Variants in DHX30 observed in about 807,000 individuals in gnomAD.
DHX30 encodes the protein DExH-box helicase 30.
In DHX30, 4 loss-of-function variants were observed where a neutral mutation model predicts 116.9. The observed-to-expected ratio is 0.03, with a 90% confidence interval of 0.02 to 0.08. DHX30 has a LOEUF of 0.08. Ranked by LOEUF, DHX30 falls within the 10% of genes least tolerant of loss-of-function variation. The pLI, the probability that DHX30 is intolerant of heterozygous loss-of-function variation, is 1.00. For synonymous variants in DHX30, 697 were observed against 651.7 expected, an observed-to-expected ratio of 1.07 and a Z score of -1.06; for missense variants, 871 against 1,595.1, an observed-to-expected ratio of 0.55 and a Z score of 7.73.
chr3:47,839,306 G>A lies in DHX30; in HGVS notation c.367-1571G>A, dbSNP rs145981689. Among the ~76,000 whole-genome samples the A allele has an allele frequency of 5.7e-3, 731 of 127,782 alleles. 7 individuals are homozygous for A. Among genetic ancestry groups the A allele is most frequent in the African/African-American group, 0.021 (683 of 32,386 alleles). 83.8% of individuals were successfully genotyped at this position (127,782 alleles called of 152,430 possible). ...TTTTTTTTTTTTTTTTTTTTGAGAC[G>A]GAGTTTCGCCGGAGGTTTGCTCTTG... On this transcript the variant is annotated intron_variant, in intron 6 of 21. Transcript: ENST00000445061.
At chr3:47,824,757 C>T (rs2036465289) in intron 4 of DHX30, 1 of 362,836 alleles carries the variant, frequency 2.8e-6, no homozygotes, top group Non-Finnish European at 4.9e-6. Context: ...CATTATTTTC[C>T]CCCCAACAGC....
chr3:47,827,912 G>A (rs1236211152), intron 5 of DHX30, among the ~76,000 whole-genome samples: 2 of 152,038 alleles, frequency 1.3e-5, no homozygotes, highest in African/African-American at 4.8e-5. Context: ...AGGCTGGAGT[G>A]CAGTGGCACA....
In DHX30 at chr3:47,847,254, C is replaced by T; in HGVS notation, c.1930-19C>T. 1.9e-6 allele frequency: 3 copies of T among 1,614,210 alleles called. No individual in the cohort carries two copies. The highest frequency in any genetic ancestry group is 2.2e-5 in the South Asian group (2 of 91,090). On this transcript the variant is annotated intron_variant, in intron 11 of 21. Transcript: ENST00000445061. This position sits in a 1 kb window ranked among gnomAD's most constrained non-coding sequence, Gnocchi z 5.5. ...CTTACCCCGGGGCTGTGACTGTGGCCTCTCTTCCCCCACCCCAGTCTGAGG... is the reference window on the plus strand; with the variant it reads ...CTTACCCCGGGGCTGTGACTGTGGCTTCTCTTCCCCCACCCCAGTCTGAGG...
chr3:47,836,750 C>T (rs996519658), intron 6 of DHX30, among the ~76,000 whole-genome samples: 2 of 152,102 alleles, frequency 1.3e-5, no homozygotes, highest in African/African-American at 2.4e-5. Flanking sequence ...AACTCCTGAC[C>T]TCGCGATCTG....
At chr3:47,826,862 C>G (rs2036576408) in intron 4 of DHX30, among the ~76,000 whole-genome samples, 1 of 152,184 alleles carries the variant, frequency 6.6e-6, no homozygotes, top group Non-Finnish European at 1.5e-5. Flanking sequence ...GCATCTGGAT[C>G]TCATCACTTG....
intron 4 of DHX30, among the ~76,000 whole-genome samples, chr3:47,818,715 C>T (rs914870770): frequency 2.0e-5 from 3 of 152,112 alleles, no homozygotes; most frequent in Admixed American, 6.5e-5. Context: ...CCAGGGATGG[C>T]GCCAGGGATA....
chr3:47,810,633 C>T (rs749454541), intron 2 of DHX30, 24 bp from the exon 3 acceptor site: 1 of 1,597,084 alleles, frequency 6.3e-7, no homozygotes, highest in Non-Finnish European at 8.6e-7. Flanking sequence ...TTAACCATTG[C>T]CTCTTGGCCC....
intron 4 of DHX30, among the ~76,000 whole-genome samples, chr3:47,823,079 C>T (rs561821022): frequency 2.7e-4 from 37 of 135,788 alleles, no homozygotes; most frequent in Admixed American, 1.6e-3. Flanking sequence ...GGCAACAGAG[C>T]GAGACTCCAT....
chr3:47,804,383 C>T (rs1052434900), intron 1 of DHX30, among the ~76,000 whole-genome samples: 1 of 152,104 alleles, frequency 6.6e-6, no homozygotes, highest in African/African-American at 2.4e-5. Flanking sequence ...GGCTAGACCT[C>T]GTTTCTACTA....
chr3:47,823,092 CAA>C (rs548519483), intron 4 of DHX30, among the ~76,000 whole-genome samples: 16 of 53,102 alleles, frequency 3.0e-4, no homozygotes, highest in Admixed American at 8.7e-4. Context: ...GACTCCATCT[CAA>C]AAAAAAAAAA....
chr3:47,823,215 A>G lies in DHX30; in HGVS notation c.125-4132A>G, dbSNP rs193177488. Among the ~76,000 whole-genome samples, 722 of 152,186 alleles carry G rather than the reference A, an allele frequency of 4.7e-3. 2 individuals are homozygous for G. Among genetic ancestry groups the G allele is most frequent in the Middle Eastern group, 0.02 (6 of 294 alleles). On this transcript the variant is annotated intron_variant, in intron 4 of 21. Coordinates refer to ENST00000445061, the MANE Select transcript of DHX30 (RefSeq NM_138615.3). The stretch of plus-strand genomic sequence containing the variant: ...TGGGAGAAACCACCCCCATGATTCA[A>G]TGACCTCCCAACCACGTCCCTCCCA...
chr3:47,823,511 G>A (rs992490389), intron 4 of DHX30, among the ~76,000 whole-genome samples: 2 of 152,012 alleles, frequency 1.3e-5, no homozygotes, highest in Middle Eastern at 3.4e-3. Context: ...CTACAGGCGC[G>A]TGCCACCATG....
chr3:47,847,096 A>G lies in DHX30; in HGVS notation c.1929+95A>G, dbSNP rs1576518954. The G allele has an allele frequency of 5.3e-6, 8 of 1,513,994 alleles. No homozygotes were observed. In the South Asian group the frequency reaches 7.4e-5, roughly 14 times the overall value. The allele number at this position is 1,513,994 out of a possible 1,614,324, so 93.8% of individuals were successfully genotyped here. On this transcript the variant is annotated intron_variant, in intron 11 of 21. Coordinates refer to ENST00000445061, the MANE Select transcript of DHX30 (RefSeq NM_138615.3). The surrounding 1 kb of genome is among the most constrained non-coding windows in gnomAD (Gnocchi z 5.5). ...TGGGGCTTGGTGCCTGGGGCAAGTT[A>G]CCCTCCCCAGTCCTCGGTTTCCTTG...
intron 8 of DHX30, 27 bp from the exon 9 acceptor site, chr3:47,843,079 T>A: frequency 1.2e-6 from 2 of 1,612,086 alleles, no homozygotes; most frequent in Non-Finnish European, 1.7e-6. Flanking sequence ...TACATTTCTG[T>A]AACCATCTCT....
chr3:47,819,367 CGGA>C (rs1233307448), intron 4 of DHX30: 35 of 1,066,876 alleles, frequency 3.3e-5, no homozygotes, highest in South Asian at 4.9e-5. Context: ...TGAGCACACG[CGGA>C]GGAGAACACT....
At chr3:47,803,291 G>C in intron 1 of DHX30, 79 bp downstream of exon 1, 1 of 389,276 alleles carries the variant, frequency 2.6e-6, no homozygotes, top group Non-Finnish European at 4.5e-6. Flanking sequence ...TCGTGAGGAG[G>C]GGGCCCGGTC....
At position 47,849,268 on chromosome 3, in the gene DHX30, C is replaced by T. The variant is rs369645919; in HGVS notation, c.3006C>T (p.Ser1002=). Residue 1002 remains serine, a synonymous_variant, in exon 19 of 22, where the codon TCC becomes TCT. Coordinates refer to ENST00000445061, the MANE Select transcript of DHX30 (RefSeq NM_138615.3). ...VGKPSDCTLA[S]AQCNEYSEEE... ...AGCCCTCGGACTGCACCCTGGCCTC[C>T]GCCCAGTGCAACGAGTACAGTGAGG... 1.9e-5 allele frequency: 31 copies of T among 1,614,162 alleles called. No homozygotes were observed. Among genetic ancestry groups the T allele is most frequent in the Middle Eastern group, 3.3e-4 (2 of 6,062 alleles).
intron 5 of DHX30, 44 bp from the exon 6 acceptor site, chr3:47,828,980 G>A (rs372318144): frequency 4.0e-6 from 5 of 1,252,840 alleles, no homozygotes; most frequent in African/African-American, 1.5e-5. Flanking sequence ...AACAACTCTA[G>A]TCTGGAGTGG....
chr3:47,832,719 C>T (rs1339096022), intron 6 of DHX30, among the ~76,000 whole-genome samples: 2 of 151,878 alleles, frequency 1.3e-5, no homozygotes, highest in Non-Finnish European at 2.9e-5. Flanking sequence ...TCACTGCAAC[C>T]TCTGGCTCCC....
Sources: gnomAD v4.1 joint callset for allele counts (sites outside exome capture counted in the v4.1 genomes callset) on GRCh38, gnomAD v4.1.1 for gene constraint, Gnocchi (gnomAD v3.1) non-coding constraint, MANE v1.5 for transcripts, NCBI Gene and HGNC (gene_info 2026-07-23, HGNC 2026-07-21) for gene names.